The following SGSM1 variants were observed in gnomAD, a reference collection of about 807,000 sequenced individuals.
SGSM1 encodes RUN and TBC1 domain containing 2.
SGSM1 carries 73 observed loss-of-function variants against 133.8 expected under a neutral mutation model. The observed-to-expected ratio is 0.55, with a 90% CI of 0.45 to 0.66. SGSM1 has a LOEUF of 0.66. SGSM1 is among the 30% of genes least tolerant of loss of function. The pLI, the probability that SGSM1 is intolerant of heterozygous loss-of-function variation, is 0.00. For missense variants in SGSM1, 1,213 were observed against 1,448.1 expected, an observed-to-expected ratio of 0.84 and a Z score of 2.64; for synonymous variants, 563 against 573.0, an observed-to-expected ratio of 0.98 and a Z score of 0.25.
At chr22:24,861,884 G>T (rs1248155841) in intron 9 of SGSM1, among the ~76,000 whole-genome samples, 1 of 150,936 alleles carries the variant, frequency 6.6e-6, no homozygotes, top group African/African-American at 2.4e-5. Context: ...CACCCAGGCT[G>T]GTCTTGAACT....
At chr22:24,861,323 GC>G (rs1484915739) in intron 9 of SGSM1, among the ~76,000 whole-genome samples, 1 of 143,840 alleles carries the variant, frequency 7.0e-6, no homozygotes, top group Non-Finnish European at 1.5e-5. Context: ...CTGCACTCCA[GC>G]CTGGATGACA....
intron 16 of SGSM1, among the ~76,000 whole-genome samples, chr22:24,892,349 C>T (rs925999045): frequency 3.9e-5 from 6 of 152,094 alleles, no homozygotes; most frequent in Non-Finnish European, 8.8e-5. Context: ...TCAGCCAATC[C>T]GTCCCCGTGG....
At chr22:24,819,387 A>G (rs1251804971) in intron 2 of SGSM1, among the ~76,000 whole-genome samples, 1 of 152,218 alleles carries the variant, frequency 6.6e-6, no homozygotes, top group Non-Finnish European at 1.5e-5. Context: ...GCACGGGTAT[A>G]GAGCATTTCT....
In SGSM1 at chr22:24,847,701, G is replaced by A; in HGVS notation, c.207G>A (p.Lys69=). ...RRAAGFLRSN[K]IAALFMKVGK... ...CGGCTGGCTTCCTACGCAGCAATAA[G>A]ATTGCAGCCCTCTTTATGAAAGTGG... The change falls in exon 4 of 25, where the codon AAG becomes AAA. Residue 69 remains lysine, a synonymous_variant. Transcript: ENST00000400358. 1 of 1,613,964 alleles carries A rather than the reference G, an allele frequency of 6.2e-7. No individual in the cohort carries two copies. Among genetic ancestry groups the A allele is most frequent in the Non-Finnish European group, 8.5e-7 (1 of 1,179,890 alleles).
chr22:24,920,081 G>A (rs1445763892), intron 24 of SGSM1, 88 bp downstream of exon 24: 1 of 1,377,978 alleles, frequency 7.3e-7, no homozygotes, highest in African/African-American at 1.4e-5. Context: ...GATGGGCTGA[G>A]ATGGATGCAT....
intron 20 of SGSM1, among the ~76,000 whole-genome samples, chr22:24,904,719 G>A (rs763377625): frequency 2.0e-5 from 3 of 152,178 alleles, no homozygotes; most frequent in Admixed American, 6.6e-5. Context: ...ATAAATTTGT[G>A]ATTTTTTTGT....
At chr22:24,900,064 C>T (rs1481131244) in intron 19 of SGSM1, among the ~76,000 whole-genome samples, 3 of 144,690 alleles carry the variant, frequency 2.1e-5, no homozygotes, top group Non-Finnish European at 4.5e-5. Context: ...TCCTTCTGTG[C>T]GTGATTTGGA....
chr22:24,806,791 C>T (rs1288268812), intron 2 of SGSM1, among the ~76,000 whole-genome samples: 2 of 151,792 alleles, frequency 1.3e-5, no homozygotes, highest in African/African-American at 4.8e-5. Flanking sequence ...TGTGGAGGAG[C>T]AGGTGGGCGC....
At chr22:24,887,107 TTGTGTGTGTGTGTG>T (rs60431385) in intron 16 of SGSM1, among the ~76,000 whole-genome samples, 2 of 145,210 alleles carry the variant, frequency 1.4e-5, no homozygotes, top group Non-Finnish European at 3.0e-5. Context: ...TTGTACTTAT[TTGTGTGTGTGTGTG>T]TGTGTGTGTG....
chr22:24,869,082 G>A lies in SGSM1; in HGVS notation c.1291+227G>A, dbSNP rs11705188. 1.5e-3 allele frequency among the ~76,000 whole-genome samples: 221 copies of A among 152,336 alleles called. 3 individuals are homozygous for A. Among genetic ancestry groups the A allele is most frequent in the Admixed American group, 2.6e-3 (40 of 15,302 alleles). ...CCACTAGGAGAGGTGGCCTGGGGTA[G>A]TGGCAATGGCATAGGCTCTGGAATC... On this transcript the variant is annotated intron_variant, in intron 12 of 24. Transcript: ENST00000400358.
At position 24,881,192 on chromosome 22, in the gene SGSM1, C is replaced by CAAAAAA. The variant is rs757336427; in HGVS notation, c.1495+1681_1495+1686dup. 5.5e-5 allele frequency among the ~76,000 whole-genome samples: 3 copies of CAAAAAA among 54,356 alleles called. No homozygotes were observed. In the East Asian group the frequency reaches 1.7e-3, roughly 31 times the overall value. 35.7% of individuals were successfully genotyped at this position (54,356 alleles called of 152,430 possible). On this transcript the variant is annotated intron_variant, in intron 14 of 24. Coordinates refer to ENST00000400358, the MANE Select transcript of SGSM1 (RefSeq NM_001098497.3). Reference sequence around the variant, plus strand: ...TGGGTGACAAAGCAAGACTCCGTCTCAAAAAAAAAAAAAAAAAAAAGATGG... The same window carrying CAAAAAA: ...TGGGTGACAAAGCAAGACTCCGTCTCAAAAAAAAAAAAAAAAAAAAAAAAAAGATGG...
chr22:24,829,013 G>A (rs1928956827), intron 2 of SGSM1, among the ~76,000 whole-genome samples: 1 of 150,062 alleles, frequency 6.7e-6, no homozygotes, highest in African/African-American at 2.5e-5. Flanking sequence ...CTAACACAGT[G>A]AAACCCCATC....
chr22:24,894,886 A>T (rs5760711), intron 17 of SGSM1, among the ~76,000 whole-genome samples: 12,056 of 152,194 alleles, frequency 0.079, 726 homozygotes, highest in East Asian at 0.36. Flanking sequence ...GGGAAAAAAA[A>T]AAGTGGAGCC....
Position 24,806,230 on chromosome 22 carries a change from C to T in SGSM1, c.-96C>T, listed in dbSNP as rs1484528883. On this transcript the variant is annotated 5_prime_UTR_variant, in exon 1 of 25. Transcript: ENST00000400358. Reference sequence around the variant, plus strand: ...GCCGTCACTCAGCGCTCGGCCCCGCCCCGCCGCGGCTGCAGCAGCAGCGCC... The same window carrying T: ...GCCGTCACTCAGCGCTCGGCCCCGCTCCGCCGCGGCTGCAGCAGCAGCGCC... The T allele has an allele frequency of 6.6e-5, 86 of 1,294,552 alleles. No individual in the cohort carries two copies. The highest frequency in any genetic ancestry group is 8.2e-5 in the Non-Finnish European group (84 of 1,026,842). 80.2% of individuals were successfully genotyped at this position (1,294,552 alleles called of 1,614,324 possible).
intron 2 of SGSM1, among the ~76,000 whole-genome samples, chr22:24,837,502 G>A (rs1929498852): frequency 2.0e-5 from 3 of 151,682 alleles, no homozygotes; most frequent in Admixed American, 1.3e-4. Context: ...AACTGCGGGC[G>A]AGCCTGACTG....
intron 14 of SGSM1, among the ~76,000 whole-genome samples, chr22:24,880,045 G>A (rs1342148763): frequency 1.3e-5 from 2 of 152,112 alleles, no homozygotes; most frequent in Admixed American, 6.5e-5. Context: ...GAGGCAAGAT[G>A]ACTTGCCTAA....
chr22:24,815,588 C>G lies in SGSM1; in HGVS notation c.63+9104C>G, dbSNP rs141693953. Among the ~76,000 whole-genome samples the G allele has an allele frequency of 9.6e-4, 146 of 151,958 alleles. 1 individual carries two copies. The highest frequency in any genetic ancestry group is 3.3e-3 in the African/African-American group (138 of 41,470). On this transcript the variant is annotated intron_variant, in intron 2 of 24. Transcript: ENST00000400358. ...AAACCCTGTCTCTACTAAAAAAATA[C>G]AAAAAAATTAGCCGGGCGTGGTGGC...
At chr22:24,844,565 G>T in intron 2 of SGSM1, 2 of 230,930 alleles carry the variant, frequency 8.7e-6, no homozygotes, top group Non-Finnish European at 1.7e-5. Context: ...GTGCCCTACA[G>T]GAACTAAAAC....
At chr22:24,885,865 G>A (rs1408450881) in intron 15 of SGSM1, among the ~76,000 whole-genome samples, 2 of 152,136 alleles carry the variant, frequency 1.3e-5, no homozygotes, top group Admixed American at 6.5e-5. Flanking sequence ...ATGATGCCAC[G>A]ACAGATATCC....
Sources: gnomAD v4.1 joint callset for allele counts (sites outside exome capture counted in the v4.1 genomes callset) on GRCh38, gnomAD v4.1.1 for gene constraint, MANE v1.5 for transcripts, NCBI Gene and HGNC (gene_info 2026-07-23, HGNC 2026-07-21) for gene names.